CSMD1: variants seen among roughly 807,000 people sequenced by gnomAD.
CSMD1 encodes CUB and sushi domain-containing protein 1.
CSMD1 carries 213 observed loss-of-function variants against 417.5 expected under a neutral mutation model. That is an observed-to-expected ratio of 0.51 (90% CI 0.46 to 0.57). The LOEUF is 0.57. Ranked by LOEUF, CSMD1 falls within the 20% of genes least tolerant of loss-of-function variation. The pLI is 0.00. For synonymous variants in CSMD1, 2,862 were observed against 1,736.8 expected, an observed-to-expected ratio of 1.65 and a Z score of -16.11; for missense variants, 6,923 against 4,529.7, an observed-to-expected ratio of 1.53 and a Z score of -15.17.
chr8:3,599,502 A>G (rs943018225), intron 8 of CSMD1, among the ~76,000 whole-genome samples: 1 of 151,984 alleles, frequency 6.6e-6, no homozygotes, highest in Non-Finnish European at 1.5e-5. Flanking sequence ...AGAGTTAGTA[A>G]CCCCAACACA....
rs79287279 is a variant in CSMD1, at chr8:3,966,933, A to T, written c.818+30970T>A. Among the ~76,000 whole-genome samples, 747 of 152,330 alleles carry T rather than the reference A, an allele frequency of 4.9e-3. 9 individuals carry two copies. Among genetic ancestry groups the T allele is most frequent in the African/African-American group, 0.017 (714 of 41,562 alleles). On this transcript the variant is annotated intron_variant, in intron 5 of 69. Transcript: ENST00000635120. ...CCGATGAATTAAAAGGCTGGTCTTTATGATCAAGAGATAATTCAAATTCTC... is the reference window on the plus strand; with the variant it reads ...CCGATGAATTAAAAGGCTGGTCTTTTTGATCAAGAGATAATTCAAATTCTC...
chr8:4,839,323 T>C (rs770428601), intron 1 of CSMD1, among the ~76,000 whole-genome samples: 81 of 152,216 alleles, frequency 5.3e-4, no homozygotes, highest in Non-Finnish European at 7.5e-4. Context: ...AGAAATAAGA[T>C]AGCATATGCA....
chr8:4,967,192 T>G (rs1301888522), intron 1 of CSMD1, among the ~76,000 whole-genome samples: 5 of 152,278 alleles, frequency 3.3e-5, no homozygotes, highest in Non-Finnish European at 5.9e-5. Flanking sequence ...CTGTTACTTC[T>G]CATTTGTTTG....
At chr8:4,097,554 G>C (rs889488572) in intron 3 of CSMD1, among the ~76,000 whole-genome samples, 1 of 152,170 alleles carries the variant, frequency 6.6e-6, no homozygotes. Context: ...CAGAAAGTCA[G>C]AGGACTACTC....
intron 4 of CSMD1, among the ~76,000 whole-genome samples, chr8:4,021,557 G>A (rs13282773): frequency 0.019 from 2,929 of 152,214 alleles, 80 homozygotes; most frequent in East Asian, 0.14. Flanking sequence ...TTCTGAGCAG[G>A]TGCACCTGGG....
intron 1 of CSMD1, among the ~76,000 whole-genome samples, chr8:4,966,581 C>T (rs1343602369): frequency 6.6e-6 from 1 of 152,082 alleles, no homozygotes; most frequent in African/African-American, 2.4e-5. Context: ...CACTGACATG[C>T]TAAATACATT....
At chr8:4,182,534 G>A (rs936859136) in intron 3 of CSMD1, among the ~76,000 whole-genome samples, 16 of 152,010 alleles carry the variant, frequency 1.1e-4, no homozygotes, top group African/African-American at 2.9e-4. Context: ...ATGCTCAATC[G>A]ATATTTGTTC....
At chr8:4,143,247 C>T (rs1333240190) in intron 3 of CSMD1, among the ~76,000 whole-genome samples, 2 of 151,148 alleles carry the variant, frequency 1.3e-5, no homozygotes, top group Non-Finnish European at 2.9e-5. Flanking sequence ...AGGGTTAGCA[C>T]TATCTTTTTC....
At chr8:4,085,522 C>T (rs1253268304) in intron 3 of CSMD1, among the ~76,000 whole-genome samples, 1 of 152,046 alleles carries the variant, frequency 6.6e-6, no homozygotes, top group Non-Finnish European at 1.5e-5. Context: ...AAATTTTATC[C>T]TATCCGTTCT....
In CSMD1 at chr8:3,108,704, C is replaced by T; in HGVS notation, c.6653G>A (p.Gly2218Asp). 1.2e-6 allele frequency: 2 copies of T among 1,613,450 alleles called. No individual in the cohort carries two copies. Among genetic ancestry groups the T allele is most frequent in the Non-Finnish European group, 1.7e-6 (2 of 1,179,674 alleles). The change falls in exon 44 of 70, where the codon GGC becomes GAC. Residue 2218 changes from glycine to aspartate, a missense_variant. By Grantham distance (94) the Gly-to-Asp change is moderately conservative. Transcript: ENST00000635120. ...ATACGCCGTTTCGAGGGCTGTGTTG[C>T]CACTGAAAACTCCCAGCTGGGGTGA... The part of the protein sequence containing the change: ...QNSPQLGVFS[G>D]NTALETAYSS...
intron 41 of CSMD1, among the ~76,000 whole-genome samples, chr8:3,136,211 G>A (rs538660380): frequency 2.0e-4 from 30 of 150,838 alleles, no homozygotes; most frequent in South Asian, 4.2e-4. Context: ...AGTGATACAC[G>A]TGTCTATGTG....
At chr8:4,643,000 G>A (rs1262447596) in intron 1 of CSMD1, among the ~76,000 whole-genome samples, 1 of 152,200 alleles carries the variant, frequency 6.6e-6, no homozygotes, top group East Asian at 1.9e-4. Flanking sequence ...GGAACAGTCT[G>A]GAGATGAAAA....
intron 3 of CSMD1, among the ~76,000 whole-genome samples, chr8:4,331,070 T>C (rs1211171837): frequency 6.6e-6 from 1 of 152,196 alleles, no homozygotes; most frequent in Non-Finnish European, 1.5e-5. Context: ...TAATTTTTGT[T>C]TCTTATTCTC....
At chr8:3,327,225 C>T (rs13278072) in intron 23 of CSMD1, among the ~76,000 whole-genome samples, 15,262 of 151,820 alleles carry the variant, frequency 0.1, 997 homozygotes, top group African/African-American at 0.18. Context: ...TCACTGTAAG[C>T]TCCGCCTCCC....
At chr8:4,336,472 C>T (rs966544849) in intron 3 of CSMD1, among the ~76,000 whole-genome samples, 2 of 151,724 alleles carry the variant, frequency 1.3e-5, no homozygotes, top group Non-Finnish European at 2.9e-5. Context: ...GATGTTTGAG[C>T]CTTCAGACAC....
chr8:4,099,243 C>T (rs925944843), intron 3 of CSMD1, among the ~76,000 whole-genome samples: 1 of 151,360 alleles, frequency 6.6e-6, no homozygotes, highest in Non-Finnish European at 1.5e-5. Flanking sequence ...TTCCTTCCCT[C>T]TTCAAGTGTC....
At chr8:3,765,475 C>T (rs1798214772) in intron 5 of CSMD1, among the ~76,000 whole-genome samples, 1 of 152,178 alleles carries the variant, frequency 6.6e-6, no homozygotes, top group South Asian at 2.1e-4. Flanking sequence ...AGGTCTACCT[C>T]ACCTCTGCAC....
intron 3 of CSMD1, among the ~76,000 whole-genome samples, chr8:4,368,697 G>A (rs1021644770): frequency 4.6e-5 from 7 of 152,084 alleles, no homozygotes; most frequent in African/African-American, 1.4e-4. Context: ...AATATGAGAT[G>A]TTGTGTATTT....
intron 5 of CSMD1, among the ~76,000 whole-genome samples, chr8:3,988,611 C>T (rs1814510583): frequency 6.6e-6 from 1 of 152,152 alleles, no homozygotes; most frequent in Non-Finnish European, 1.5e-5. Context: ...CACATGACAG[C>T]TGGAGAGGAA....
Sources: gnomAD v4.1 joint callset for allele counts (sites outside exome capture counted in the v4.1 genomes callset) on GRCh38, gnomAD v4.1.1 for gene constraint, MANE v1.5 for transcripts, NCBI Gene and HGNC (gene_info 2026-07-23, HGNC 2026-07-21) for gene names.